GALNTL6: variants seen among roughly 807,000 people sequenced by gnomAD.
GALNTL6 encodes the protein polypeptide N-acetylgalactosaminyltransferase-like 6.
In GALNTL6, 46 loss-of-function variants were observed where a neutral mutation model predicts 73.7. That is an observed-to-expected ratio of 0.62 (90% confidence interval 0.49 to 0.80). The LOEUF (loss-of-function observed/expected upper bound fraction) is 0.80, where lower values mean the gene tolerates loss of function less well. Among genes scored for constraint, GALNTL6 ranks in the 30% least tolerant of loss-of-function variants. GALNTL6 has a pLI of 0.00. For synonymous variants in GALNTL6, 259 were observed against 263.7 expected (o/e 0.98, Z 0.17); for missense variants, 604 against 755.0 (o/e 0.80, Z 2.34).
chr4:172,757,879 G>T (rs551636468), intron 5 of GALNTL6, among the ~76,000 whole-genome samples: 5 of 152,260 alleles, frequency 3.3e-5, no homozygotes, highest in African/African-American at 1.2e-4. Context: ...ATAGAAAAAG[G>T]TACAGAGAAT....
At chr4:172,841,880 C>T (rs967468269) in intron 7 of GALNTL6, among the ~76,000 whole-genome samples, 7 of 152,310 alleles carry the variant, frequency 4.6e-5, no homozygotes, top group African/African-American at 1.7e-4. Context: ...AATATCATAG[C>T]ATCATTAATA....
At chr4:172,179,248 A>T (rs1353147304) in intron 2 of GALNTL6, among the ~76,000 whole-genome samples, 12 of 151,564 alleles carry the variant, frequency 7.9e-5, no homozygotes, top group Non-Finnish European at 1.2e-4. Context: ...TCCACAATGG[A>T]TGAACTAGTT....
At chr4:172,320,049 G>A (rs1740700020) in intron 4 of GALNTL6, among the ~76,000 whole-genome samples, 1 of 152,068 alleles carries the variant, frequency 6.6e-6, no homozygotes, top group Non-Finnish European at 1.5e-5. Flanking sequence ...GGAGGAGCAG[G>A]ACTTCAATAT....
chr4:173,025,746 C>T (rs559780577), intron 12 of GALNTL6, among the ~76,000 whole-genome samples: 1 of 152,338 alleles, frequency 6.6e-6, no homozygotes, highest in South Asian at 2.1e-4. Context: ...TAACAGCCGA[C>T]CATCAGCCCT....
At chr4:172,353,827 T>C (rs1422614670) in intron 5 of GALNTL6, among the ~76,000 whole-genome samples, 4 of 152,078 alleles carry the variant, frequency 2.6e-5, no homozygotes, top group Non-Finnish European at 5.9e-5. Context: ...CCTAGACCCT[T>C]CACAGGGCTG....
intron 5 of GALNTL6, among the ~76,000 whole-genome samples, chr4:172,417,135 C>T (rs907597829): frequency 2.0e-5 from 3 of 152,040 alleles, no homozygotes; most frequent in African/African-American, 4.8e-5. Flanking sequence ...TCTAAAAACT[C>T]GGTCATTCCT....
intron 2 of GALNTL6, among the ~76,000 whole-genome samples, chr4:172,220,167 T>G (rs1271644230): frequency 1.3e-5 from 2 of 151,754 alleles, no homozygotes; most frequent in African/African-American, 4.8e-5. Context: ...TTGTTTGTGT[T>G]TTTTTTAATA....
intron 12 of GALNTL6, among the ~76,000 whole-genome samples, chr4:173,031,716 CAT>C (rs1230862341): frequency 6.6e-6 from 1 of 152,132 alleles, no homozygotes; most frequent in Non-Finnish European, 1.5e-5. Context: ...ATTATGTTCA[CAT>C]GACTTCATGC....
chr4:172,142,487 T>A (rs1733826868), intron 2 of GALNTL6, among the ~76,000 whole-genome samples: 1 of 152,068 alleles, frequency 6.6e-6, no homozygotes, highest in Non-Finnish European at 1.5e-5. Flanking sequence ...CTAGCATAGC[T>A]CTGTGCTGCA....
At chr4:172,112,746 A>C (rs1732887628) in intron 2 of GALNTL6, among the ~76,000 whole-genome samples, 2 of 152,004 alleles carry the variant, frequency 1.3e-5, no homozygotes, top group African/African-American at 4.8e-5. Context: ...TAGGATCTTT[A>C]AGACATGATT....
At chr4:172,400,497 G>A (rs768175690) in intron 5 of GALNTL6, among the ~76,000 whole-genome samples, 4 of 152,248 alleles carry the variant, frequency 2.6e-5, no homozygotes, top group South Asian at 2.1e-4. Flanking sequence ...CAACTGTGAC[G>A]TATGTTAAAA....
intron 2 of GALNTL6, among the ~76,000 whole-genome samples, chr4:171,928,955 AAG>A (rs1738081422): frequency 1.3e-5 from 2 of 152,260 alleles, no homozygotes; most frequent in African/African-American, 4.8e-5. Flanking sequence ...GCTATAATAT[AAG>A]AAATTATACC....
intron 7 of GALNTL6, among the ~76,000 whole-genome samples, chr4:172,847,699 T>A (rs1240815538): frequency 6.6e-6 from 1 of 152,204 alleles, no homozygotes; most frequent in Non-Finnish European, 1.5e-5. Flanking sequence ...TCTGCCCTCA[T>A]TAAGTTTTCA....
At chr4:172,429,633 C>G (rs1731366961) in intron 5 of GALNTL6, among the ~76,000 whole-genome samples, 1 of 152,150 alleles carries the variant, frequency 6.6e-6, no homozygotes, top group Non-Finnish European at 1.5e-5. Context: ...ATCACTTGAA[C>G]ATATTCTCTT....
chr4:172,564,376 TC>T (rs1369159638), intron 5 of GALNTL6, among the ~76,000 whole-genome samples: 1 of 152,236 alleles, frequency 6.6e-6, no homozygotes, highest in Non-Finnish European at 1.5e-5. Context: ...GGAAAAAGAT[TC>T]CTTATGTGTG....
chr4:171,838,175 G>A (rs376078472), intron 2 of GALNTL6, among the ~76,000 whole-genome samples: 15 of 151,622 alleles, frequency 9.9e-5, no homozygotes, highest in Middle Eastern at 6.8e-3. Context: ...CCAGGCTGAC[G>A]TGCAATGGCG....
At chr4:172,436,190 G>A (rs1198658308) in intron 5 of GALNTL6, among the ~76,000 whole-genome samples, 1 of 152,106 alleles carries the variant, frequency 6.6e-6, no homozygotes, top group African/African-American at 2.4e-5. Flanking sequence ...TCTAAGGCAA[G>A]CATTATGAAT....
intron 5 of GALNTL6, among the ~76,000 whole-genome samples, chr4:172,765,006 A>G (rs928641690): frequency 3.3e-5 from 5 of 152,220 alleles, no homozygotes; most frequent in Non-Finnish European, 5.9e-5. Context: ...CTTGGGAATA[A>G]GCTATCATTC....
At chr4:173,003,006 T>G (rs75006235) in intron 10 of GALNTL6, among the ~76,000 whole-genome samples, 3,427 of 152,144 alleles carry the variant, frequency 0.023, 47 homozygotes, top group African/African-American at 0.028. Context: ...GCTTAATGAT[T>G]AATAGTTGCT....
Sources: gnomAD v4.1 joint callset for allele counts (sites outside exome capture counted in the v4.1 genomes callset) on GRCh38, gnomAD v4.1.1 for gene constraint, MANE v1.5 for transcripts, NCBI Gene and HGNC (gene_info 2026-07-23, HGNC 2026-07-21) for gene names.